Variants in CDC42SE2 observed in about 807,000 individuals in gnomAD.
CDC42SE2 encodes the protein CDC42 small effector protein 2.
CDC42SE2 carries 3 observed loss-of-function variants against 11.5 expected under a neutral mutation model. The observed-to-expected ratio is 0.26, with a 90% CI of 0.12 to 0.67. The LOEUF (loss-of-function observed/expected upper bound fraction) is 0.67, where lower values mean the gene tolerates loss of function less well. Ranked by LOEUF, CDC42SE2 falls within the 30% of genes least tolerant of loss-of-function variation. The probability of loss-of-function intolerance (pLI) is 0.80; values close to 1 mark genes in which losing one functional copy is unlikely to be tolerated. For missense variants in CDC42SE2, 82 were observed against 106.8 expected (o/e 0.77, Z 1.02); for synonymous variants, 33 against 34.8 (o/e 0.95, Z 0.18).
At chr5:131,389,208 TG>T (rs1169779372) in intron 4 of CDC42SE2, among the ~76,000 whole-genome samples, 1 of 152,188 alleles carries the variant, frequency 6.6e-6, no homozygotes, top group Non-Finnish European at 1.5e-5. Flanking sequence ...GAAAATTACT[TG>T]GTATCAGGTT....
At chr5:131,344,605 C>A (rs990179938) in intron 2 of CDC42SE2, among the ~76,000 whole-genome samples, 28 of 152,184 alleles carry the variant, frequency 1.8e-4, no homozygotes, top group African/African-American at 6.8e-4. Context: ...GCAGCAGAAA[C>A]TTCTGCACAC....
At chr5:131,376,040 A>G (rs192137135) in intron 3 of CDC42SE2, among the ~76,000 whole-genome samples, 9 of 152,190 alleles carry the variant, frequency 5.9e-5, no homozygotes, top group African/African-American at 1.9e-4. Flanking sequence ...GGAGTTCGAG[A>G]CCAGCCTGAC....
intron 3 of CDC42SE2, among the ~76,000 whole-genome samples, chr5:131,372,946 A>T (rs1750052232): frequency 6.6e-6 from 1 of 152,304 alleles, no homozygotes; most frequent in Admixed American, 6.5e-5. Flanking sequence ...TTGAGTTGAT[A>T]AATTGCAATT....
At chr5:131,210,525 A>G in the CDC42SE2 span, among the ~76,000 whole-genome samples, 1 of 152,228 alleles carries the variant, frequency 6.6e-6, no homozygotes, top group African/African-American at 2.4e-5. Flanking sequence ...CTCCTGAATA[A>G]TAGTTTGGTA....
intron 2 of CDC42SE2, among the ~76,000 whole-genome samples, chr5:131,319,459 C>T (rs1035988138): frequency 2.0e-5 from 3 of 152,032 alleles, no homozygotes; most frequent in African/African-American, 7.2e-5. Context: ...CTGTTGTACC[C>T]CCATAGACAG....
chr5:131,335,416 TGTG>T (rs1317474584), intron 2 of CDC42SE2, among the ~76,000 whole-genome samples: 1 of 152,190 alleles, frequency 6.6e-6, no homozygotes, highest in Admixed American at 6.5e-5. Context: ...ATAGGTGTGG[TGTG>T]GTGCTGAGAA....
At chr5:131,239,566 G>A in the CDC42SE2 span, among the ~76,000 whole-genome samples, 2 of 152,138 alleles carry the variant, frequency 1.3e-5, no homozygotes, top group African/African-American at 4.8e-5. Context: ...TGTATTTTGA[G>A]TGACTTTGCC....
intron 2 of CDC42SE2, among the ~76,000 whole-genome samples, chr5:131,357,751 T>G (rs1261192220): frequency 6.6e-6 from 1 of 152,218 alleles, no homozygotes; most frequent in African/African-American, 2.4e-5. Context: ...TTAAACTTTA[T>G]ATCCATTTTT....
At chr5:131,372,407 C>T (rs777160991) in intron 3 of CDC42SE2, among the ~76,000 whole-genome samples, 1 of 151,906 alleles carries the variant, frequency 6.6e-6, no homozygotes, top group Non-Finnish European at 1.5e-5. Context: ...AGGGCTGGTT[C>T]TCTATTAGAG....
At chr5:131,337,522 A>G (rs1758602817) in intron 2 of CDC42SE2, among the ~76,000 whole-genome samples, 1 of 152,224 alleles carries the variant, frequency 6.6e-6, no homozygotes, top group African/African-American at 2.4e-5. Flanking sequence ...TTAAGTCTGC[A>G]GAGGTTATTG....
intron 2 of CDC42SE2, among the ~76,000 whole-genome samples, chr5:131,322,042 G>C (rs1304337285): frequency 6.6e-6 from 1 of 151,562 alleles, no homozygotes; most frequent in Non-Finnish European, 1.5e-5. Context: ...AGTAGAGACG[G>C]GGTTTCACCG....
At chr5:131,309,370 G>A (rs1258197328) in intron 1 of CDC42SE2, among the ~76,000 whole-genome samples, 30 of 151,938 alleles carry the variant, frequency 2.0e-4, no homozygotes, top group Non-Finnish European at 5.9e-5. Context: ...GAGGATTTTT[G>A]CATCAATATT....
At chr5:131,370,357 T>C (rs1749983231) in intron 3 of CDC42SE2, among the ~76,000 whole-genome samples, 1 of 152,200 alleles carries the variant, frequency 6.6e-6, no homozygotes, top group Admixed American at 6.5e-5. Context: ...TTTTTTTTTC[T>C]ATATGCCCAT....
chr5:131,389,925 C>G (rs1477697268), intron 4 of CDC42SE2, among the ~76,000 whole-genome samples: 2 of 152,192 alleles, frequency 1.3e-5, no homozygotes, highest in Admixed American at 1.3e-4. Flanking sequence ...TGCTTCCAGA[C>G]TGCTTCTAAT....
chr5:131,304,346 G>T (rs1316851931), intron 1 of CDC42SE2, among the ~76,000 whole-genome samples: 3 of 152,020 alleles, frequency 2.0e-5, no homozygotes, highest in Non-Finnish European at 4.4e-5. Context: ...CGTCTCTTCA[G>T]TATAAATGAC....
At chr5:131,246,454 CA>C (rs780763217) in intron 1 of CDC42SE2, among the ~76,000 whole-genome samples, 1 of 151,582 alleles carries the variant, frequency 6.6e-6, no homozygotes, top group African/African-American at 2.4e-5. Flanking sequence ...AGCTCTGTCC[CA>C]AAAAAATAAA....
chr5:131,334,121 A>C (rs1787336018), intron 2 of CDC42SE2, among the ~76,000 whole-genome samples: 1 of 152,050 alleles, frequency 6.6e-6, no homozygotes, highest in African/African-American at 2.4e-5. Context: ...AGCTCTTATT[A>C]TTTTGAGATA....
intron 2 of CDC42SE2, among the ~76,000 whole-genome samples, chr5:131,258,463 A>G (rs968438849): frequency 2.0e-5 from 3 of 152,144 alleles, no homozygotes; most frequent in Admixed American, 6.6e-5. Flanking sequence ...AGTGACCCCA[A>G]AGGCTCCCTT....
At position 131,270,070 on chromosome 5, in the gene CDC42SE2, A is replaced by C. The variant is rs144245100; in HGVS notation, c.-455+5904A>C. Among the ~76,000 whole-genome samples the C allele has an allele frequency of 7.4e-3, 1,107 of 149,686 alleles. 15 individuals carry two copies. Among genetic ancestry groups the C allele is most frequent in the African/African-American group, 0.026 (1,060 of 40,608 alleles). ...AGCAAGAGTATCTCAAAAAAACAAA[A>C]AAACAAACAAAAAAAAACAACTGGC... On this transcript the variant is annotated intron_variant, in intron 1 of 4. Coordinates refer to ENST00000505065, the MANE Select transcript of CDC42SE2 (RefSeq NM_001375635.1).
Sources: allele counts gnomAD v4.1 joint callset (sites outside exome capture counted in the v4.1 genomes callset), GRCh38; gene constraint gnomAD v4.1.1; transcripts MANE v1.5; gene names NCBI Gene and HGNC (gene_info 2026-07-23, HGNC 2026-07-21).